Variants in LMF1 observed in about 807,000 individuals in gnomAD.
LMF1 encodes the protein transmembrane protein 112.
A neutral mutation model predicts 60.6 loss-of-function variants in LMF1; 68 were observed. That is an observed-to-expected ratio of 1.12 (90% CI 0.92 to 1.37). LMF1 has a LOEUF of 1.37. LMF1 is among the 40% of genes most tolerant of loss of function. The pLI is 0.00. For missense variants in LMF1, 948 were observed against 767.2 expected, an observed-to-expected ratio of 1.24 and a Z score of -2.78; for synonymous variants, 418 against 324.7, an observed-to-expected ratio of 1.29 and a Z score of -3.09.
At chr16:919,093 G>T (rs909332469) in intron 3 of LMF1, among the ~76,000 whole-genome samples, 6 of 152,134 alleles carry the variant, frequency 3.9e-5, no homozygotes, top group African/African-American at 1.4e-4. Context: ...GGACTCCCAG[G>T]CTGCAGAATC....
chr16:978,149 T>TACAC (rs144909608), intron 1 of LMF1, among the ~76,000 whole-genome samples: 42 of 124,314 alleles, frequency 3.4e-4, no homozygotes, highest in Middle Eastern at 6.0e-3. Context: ...ACATACATCA[T>TACAC]ACACACACAC....
At chr16:876,817 C>A (rs2069998971) in intron 6 of LMF1, among the ~76,000 whole-genome samples, 1 of 151,560 alleles carries the variant, frequency 6.6e-6, no homozygotes, top group African/African-American at 2.4e-5. Flanking sequence ...TGATTGATAA[C>A]CACTGAGGAA....
At chr16:927,047 C>T (rs1368283056) in intron 3 of LMF1, among the ~76,000 whole-genome samples, 1 of 152,154 alleles carries the variant, frequency 6.6e-6, no homozygotes, top group Non-Finnish European at 1.5e-5. Flanking sequence ...GCCACTGCAC[C>T]CAGGCGGAGA....
Position 929,316 on chromosome 16 carries a change from C to A in LMF1, c.514+4928G>T, listed in dbSNP as rs528325843. Among the ~76,000 whole-genome samples, 393 of 152,354 alleles carry A rather than the reference C, an allele frequency of 2.6e-3. 1 individual carries two copies. Among genetic ancestry groups the A allele is most frequent in the African/African-American group, 8.8e-3 (368 of 41,590 alleles). On this transcript the variant is annotated intron_variant, in intron 3 of 10. Coordinates refer to ENST00000262301, the MANE Select transcript of LMF1 (RefSeq NM_022773.4). Reference sequence around the variant, plus strand: ...CCCAGAGCCCGCTCTCCATACAGAACCAGGTGCTAGGCATGGCGCCCCATG... The same window carrying A: ...CCCAGAGCCCGCTCTCCATACAGAAACAGGTGCTAGGCATGGCGCCCCATG...
chr16:854,312 G>C lies in LMF1; in HGVS notation c.*220C>G, dbSNP rs1022472867. 2 of 692,754 alleles carry C rather than the reference G, an allele frequency of 2.9e-6. No individual in the cohort carries two copies. Among genetic ancestry groups the C allele is most frequent in the Non-Finnish European group, 5.3e-6 (2 of 380,900 alleles). The allele number at this position is 692,754 out of a possible 1,614,324, so 42.9% of individuals were successfully genotyped here. A position where few individuals can be genotyped will look rare whatever the true frequency, so the allele number is the denominator to read the frequency against. ...TCAGAGCCCCTGGCGCCTGGGACAAGGGTTGGCCTGGATGTGGGGCCCCAG... is the reference window on the plus strand; with the variant it reads ...TCAGAGCCCCTGGCGCCTGGGACAACGGTTGGCCTGGATGTGGGGCCCCAG... On this transcript the variant is annotated 3_prime_UTR_variant, in exon 11 of 11. Coordinates refer to ENST00000262301, the MANE Select transcript of LMF1 (RefSeq NM_022773.4).
chr16:912,838 C>T (rs1014627256), intron 3 of LMF1, among the ~76,000 whole-genome samples: 3 of 152,224 alleles, frequency 2.0e-5, no homozygotes, highest in African/African-American at 7.2e-5. Context: ...ACAAGGGCTG[C>T]CATTGTTCTC....
intron 3 of LMF1, among the ~76,000 whole-genome samples, chr16:930,945 A>C (rs1356553853): frequency 6.6e-6 from 1 of 152,026 alleles, no homozygotes; most frequent in African/African-American, 2.4e-5. Context: ...ACACTGTGAA[A>C]TCCCATCTCT....
intron 1 of LMF1, 99 bp from the exon 2 acceptor site, chr16:954,765 G>A: frequency 1.8e-6 from 2 of 1,140,348 alleles, no homozygotes; most frequent in Admixed American, 2.5e-5. Flanking sequence ...GGCGGGAAGG[G>A]GAGGCAGAGT....
At chr16:931,950 C>T (rs1259929299) in intron 3 of LMF1, among the ~76,000 whole-genome samples, 1 of 152,228 alleles carries the variant, frequency 6.6e-6, no homozygotes, top group Non-Finnish European at 1.5e-5. Context: ...TGAAAACACC[C>T]AGGGAGACAC....
chr16:952,870 C>T (rs1292715826), intron 2 of LMF1, among the ~76,000 whole-genome samples: 37 of 132,258 alleles, frequency 2.8e-4, no homozygotes, highest in African/African-American at 3.7e-4. Context: ...CCAAACCAGC[C>T]TCCTACACAT....
chr16:943,726 CA>C (rs3057499), intron 2 of LMF1, among the ~76,000 whole-genome samples: 1,467 of 56,766 alleles, frequency 0.026, 7 homozygotes, highest in African/African-American at 0.082. Flanking sequence ...GACTCTGTCT[CA>C]AAAAAAAAAA....
intron 5 of LMF1, among the ~76,000 whole-genome samples, chr16:889,389 C>T (rs1211359505): frequency 3.4e-5 from 5 of 148,854 alleles, no homozygotes; most frequent in Non-Finnish European, 7.4e-5. Flanking sequence ...TGCGGATGGC[C>T]GTGGGTGTGA....
At chr16:873,144 C>T (rs1431469168) in intron 6 of LMF1, 1 of 152,306 alleles carries the variant, frequency 6.6e-6, no homozygotes, top group Admixed American at 6.5e-5. Context: ...GTGCATCTCT[C>T]GCCCTCCATC....
intron 3 of LMF1, among the ~76,000 whole-genome samples, chr16:924,838 A>G (rs1471710305): frequency 6.6e-6 from 1 of 152,272 alleles, no homozygotes; most frequent in African/African-American, 2.4e-5. Context: ...AGCTCTTTGA[A>G]AAGACCCATA....
intron 10 of LMF1, among the ~76,000 whole-genome samples, chr16:866,674 G>C (rs899764459): frequency 6.6e-6 from 1 of 152,202 alleles, no homozygotes; most frequent in Non-Finnish European, 1.5e-5. Context: ...GCTGGTGTGG[G>C]TGGGGCCATG....
Position 970,940 on chromosome 16 carries a change from G to T in LMF1, c.41C>A (p.Ser14Ter), listed in dbSNP as rs759977380. ...DSPTMAAPAE[S>*]LRRRKTGYSD... is the part of the protein sequence containing the mutation. ...GTACCCAGTCTTCCGCCTCCTCAGC[G>T]ACTCCGCGGGCGCCGCCATTGTTGG... Residue 14 changes from serine (S) to a stop codon, truncating the protein, a stop_gained, in exon 1 of 11, where the codon TCG (serine) becomes TAG (stop). Transcript: ENST00000262301. LOFTEE classifies it high-confidence loss of function. 2 of 1,550,526 alleles carry T rather than the reference G, an allele frequency of 1.3e-6. No individual in the cohort carries two copies. Among genetic ancestry groups the T allele is most frequent in the East Asian group, 2.5e-5 (1 of 40,080 alleles).
intron 3 of LMF1, among the ~76,000 whole-genome samples, chr16:929,217 G>C (rs1299243235): frequency 6.6e-6 from 1 of 152,234 alleles, no homozygotes. Context: ...GACCGGCCCT[G>C]GTCTCAGTCC....
intron 1 of LMF1, among the ~76,000 whole-genome samples, chr16:956,366 G>T (rs559827441): frequency 2.0e-4 from 30 of 152,302 alleles, no homozygotes; most frequent in Admixed American, 1.8e-3. Context: ...TGACAGGTGA[G>T]AGAAGCACAT....
chr16:913,839 C>T (rs991830196), intron 3 of LMF1, among the ~76,000 whole-genome samples: 3 of 151,754 alleles, frequency 2.0e-5, no homozygotes, highest in Admixed American at 6.6e-5. Context: ...AGAGAGGCTT[C>T]GCCATGGGGC....
Sources: gnomAD v4.1 joint callset for allele counts (sites outside exome capture counted in the v4.1 genomes callset) on GRCh38, gnomAD v4.1.1 for gene constraint, MANE v1.5 for transcripts, NCBI Gene and HGNC (gene_info 2026-07-23, HGNC 2026-07-21) for gene names.